The following PAQR5 variants were observed in gnomAD, a reference collection of about 807,000 sequenced individuals.
The protein encoded by PAQR5 is progestin and adipoQ receptor family member 5.
PAQR5 carries 20 observed loss-of-function variants against 34.5 expected under a neutral mutation model. The observed-to-expected ratio is 0.58, with a 90% CI of 0.41 to 0.84. The LOEUF (loss-of-function observed/expected upper bound fraction) is 0.84. Among genes scored for constraint, PAQR5 ranks in the 40% least tolerant of loss-of-function variants. The probability of loss-of-function intolerance (pLI) is 0.00; values close to 1 mark genes in which losing one functional copy is unlikely to be tolerated. For synonymous variants in PAQR5, 131 were observed against 155.6 expected, an observed-to-expected ratio of 0.84 and a Z score of 1.18; for missense variants, 378 against 412.7, an observed-to-expected ratio of 0.92 and a Z score of 0.73.
chr15:69,299,843 C>G (rs925991856), intron 1 of PAQR5, among the ~76,000 whole-genome samples: 1 of 152,154 alleles, frequency 6.6e-6, no homozygotes, highest in Non-Finnish European at 1.5e-5. Context: ...CCCCTTCCCA[C>G]GCAGAGCCAT....
chr15:69,329,306 C>T (rs1261242336), intron 1 of PAQR5, among the ~76,000 whole-genome samples: 1 of 151,980 alleles, frequency 6.6e-6, no homozygotes, highest in African/African-American at 2.4e-5. Context: ...GTTAAAAACC[C>T]CCATCCTTGA....
chr15:69,366,593 G>T (rs550441237), intron 3 of PAQR5, among the ~76,000 whole-genome samples: 3 of 152,080 alleles, frequency 2.0e-5, no homozygotes, highest in African/African-American at 7.2e-5. Flanking sequence ...AATCCTTGAC[G>T]TTTGTTCAGA....
chr15:69,338,454 A>T (rs1019289513), intron 2 of PAQR5, among the ~76,000 whole-genome samples: 2 of 152,308 alleles, frequency 1.3e-5, no homozygotes, highest in South Asian at 4.1e-4. Flanking sequence ...CTGTAGTAAA[A>T]CTATAGATGA....
chr15:69,364,585 T>C (rs998658054), intron 3 of PAQR5, among the ~76,000 whole-genome samples: 8 of 127,024 alleles, frequency 6.3e-5, no homozygotes, highest in Non-Finnish European at 1.1e-4. Flanking sequence ...CATCTTTGTA[T>C]TGTTCTTGGT....
chr15:69,332,779 TAAAAAAAAAAAAA>T (rs56280711), intron 1 of PAQR5, among the ~76,000 whole-genome samples: 1 of 59,794 alleles, frequency 1.7e-5, no homozygotes, highest in African/African-American at 7.1e-5. Context: ...CTAAATCTTG[TAAAAAAAAAAAAA>T]AAAAAAAAAA....
Position 69,406,483 on chromosome 15 carries a change from A to C in PAQR5, c.*2661A>C, listed in dbSNP as rs1268260861. On this transcript the variant is annotated 3_prime_UTR_variant, in exon 9 of 9. Transcript: ENST00000395407. ...TGAGTTAGCTCAATTGATTGTTCGC[A>C]GTCAGTTATAGATCAAGCTCCTTGT... 6.6e-6 allele frequency: 1 copy of C among 152,240 alleles called. No individual in the cohort carries two copies. Among genetic ancestry groups the C allele is most frequent in the Non-Finnish European group, 1.5e-5 (1 of 68,046 alleles). The allele number at this position is 152,240 out of a possible 1,614,324, so 9.4% of individuals were successfully genotyped here. A position where few individuals can be genotyped will look rare whatever the true frequency, so the allele number is the denominator to read the frequency against.
At chr15:69,365,046 AATTTT>A (rs71803465) in intron 3 of PAQR5, among the ~76,000 whole-genome samples, 1,411 of 131,950 alleles carry the variant, frequency 0.011, 31 homozygotes, top group African/African-American at 0.04. Context: ...TTCCCTTATG[AATTTT>A]ATTTTATTTT....
intron 2 of PAQR5, among the ~76,000 whole-genome samples, chr15:69,346,505 G>A (rs1423760074): frequency 1.3e-5 from 2 of 151,360 alleles, no homozygotes; most frequent in African/African-American, 4.9e-5. Context: ...TCACTATGTT[G>A]CCCAGGCTGG....
At chr15:69,361,694 T>G (rs1233187568) in intron 3 of PAQR5, among the ~76,000 whole-genome samples, 1 of 152,132 alleles carries the variant, frequency 6.6e-6, no homozygotes, top group African/African-American at 2.4e-5. Context: ...ACTCACAGTT[T>G]GGGGGACAAC....
intron 3 of PAQR5, among the ~76,000 whole-genome samples, chr15:69,369,540 TAAA>T (rs753281505): frequency 7.0e-6 from 1 of 142,906 alleles, no homozygotes; most frequent in Admixed American, 7.0e-5. Flanking sequence ...TGCCTCAAGT[TAAA>T]AAAAAAAAAA....
chr15:69,355,292 C>T (rs1017838014), intron 2 of PAQR5, among the ~76,000 whole-genome samples: 4 of 110,424 alleles, frequency 3.6e-5, no homozygotes, highest in African/African-American at 1.2e-4. Context: ...TCTTTCTTTT[C>T]TTTCTTTCTT....
intron 6 of PAQR5, among the ~76,000 whole-genome samples, chr15:69,390,449 G>A (rs1030920698): frequency 5.3e-5 from 8 of 151,290 alleles, no homozygotes; most frequent in South Asian, 2.1e-4. Context: ...TCCTGGGCTC[G>A]TCTGCTGCAT....
chr15:69,362,900 AC>A (rs1210948322), intron 3 of PAQR5, among the ~76,000 whole-genome samples: 1 of 151,734 alleles, frequency 6.6e-6, no homozygotes, highest in Non-Finnish European at 1.5e-5. Flanking sequence ...CCATCCACAG[AC>A]CCTCTTCTCT....
Position 69,360,013 on chromosome 15 carries a change from G to C in PAQR5, c.-68G>C, listed in dbSNP as rs1248767799. The C allele has an allele frequency of 2.4e-6, 3 of 1,264,610 alleles. No individual in the cohort carries two copies. Among genetic ancestry groups the C allele is most frequent in the Non-Finnish European group, 3.5e-6 (3 of 863,846 alleles). 78.3% of individuals were successfully genotyped at this position (1,264,610 alleles called of 1,614,324 possible). On this transcript the variant is annotated 5_prime_UTR_variant, in exon 3 of 9. Transcript: ENST00000395407. ...GGCAGAGACGCCCCAGGCCATGTTAGAGCTTTGAGTGAGGCCTGGTAACAG... is the reference window on the plus strand; with the variant it reads ...GGCAGAGACGCCCCAGGCCATGTTACAGCTTTGAGTGAGGCCTGGTAACAG...
chr15:69,357,800 C>T (rs1286231331), intron 2 of PAQR5, among the ~76,000 whole-genome samples: 2 of 152,146 alleles, frequency 1.3e-5, no homozygotes, highest in East Asian at 3.9e-4. Context: ...GTAAACGAAC[C>T]ACAAAAATAA....
chr15:69,394,759 C>G (rs537414396), intron 6 of PAQR5, among the ~76,000 whole-genome samples: 2 of 152,378 alleles, frequency 1.3e-5, no homozygotes, highest in South Asian at 4.1e-4. Context: ...GATGCTGCGG[C>G]TGTGGTTCTG....
At chr15:69,402,651 G>A (rs2056670361) in intron 8 of PAQR5, among the ~76,000 whole-genome samples, 1 of 152,182 alleles carries the variant, frequency 6.6e-6, no homozygotes, top group Non-Finnish European at 1.5e-5. Flanking sequence ...CAGTCATAGT[G>A]GATTAGGCCC....
chr15:69,344,291 G>A (rs1285471871), intron 2 of PAQR5, among the ~76,000 whole-genome samples: 1 of 152,214 alleles, frequency 6.6e-6, no homozygotes, highest in Non-Finnish European at 1.5e-5. Flanking sequence ...CTCATTCAGA[G>A]GAGTGGCCTC....
rs193101896 is a variant in PAQR5 at position 69,343,994 on chromosome 15, T to G, written c.-116+6493T>G. Among the ~76,000 whole-genome samples the G allele has an allele frequency of 1.7e-3, 264 of 152,226 alleles. 2 individuals are homozygous for G. The highest frequency in any genetic ancestry group is 0.015 in the Admixed American group (226 of 15,296). ...GACCACAGGCACATGCCACCATGCC[T>G]GGCTTATTTTTGTATTTTTGGTAGA... On this transcript the variant is annotated intron_variant, in intron 2 of 8. Coordinates refer to ENST00000395407, the MANE Select transcript of PAQR5 (RefSeq NM_017705.4).
Sources: allele counts gnomAD v4.1 joint callset (sites outside exome capture counted in the v4.1 genomes callset), GRCh38; gene constraint gnomAD v4.1.1; transcripts MANE v1.5; gene names NCBI Gene and HGNC (gene_info 2026-07-23, HGNC 2026-07-21).